The following TBPL2 variants were observed in gnomAD, a reference collection of about 807,000 sequenced individuals.
The protein encoded by TBPL2 is TATA box-binding protein-like 2.
In TBPL2, 40 loss-of-function variants were observed where a neutral mutation model predicts 38.2. That is an observed-to-expected ratio of 1.05 (90% CI 0.81 to 1.36). The LOEUF (loss-of-function observed/expected upper bound fraction) is 1.36, where lower values mean the gene tolerates loss of function less well. TBPL2 is among the 40% of genes most tolerant of loss of function. The probability of loss-of-function intolerance (pLI) is 0.00; values close to 1 mark genes in which losing one functional copy is unlikely to be tolerated. For synonymous variants in TBPL2, 169 were observed against 171.7 expected (o/e 0.98, Z 0.12); for missense variants, 461 against 456.7 (o/e 1.01, Z -0.09).
chr14:55,431,764 C>T (rs1416550943), intron 4 of TBPL2, among the ~76,000 whole-genome samples: 2 of 152,204 alleles, frequency 1.3e-5, no homozygotes, highest in African/African-American at 4.8e-5. Context: ...AATTATCTTA[C>T]ATTGAAACAA....
intron 1 of TBPL2, chr14:55,438,865 C>A (rs1281960056): frequency 4.0e-5 from 6 of 150,956 alleles, no homozygotes; most frequent in African/African-American, 1.5e-4. Flanking sequence ...ACCATTTCTA[C>A]CTCAGTGCTG....
chr14:55,423,162 C>G (rs950291710), intron 6 of TBPL2, among the ~76,000 whole-genome samples: 4 of 152,154 alleles, frequency 2.6e-5, no homozygotes, highest in Non-Finnish European at 5.9e-5. Context: ...TGGTCGATTT[C>G]TGTCTCTGAT....
chr14:55,438,889 T>TA (rs1304990845), intron 1 of TBPL2: 2 of 118,034 alleles, frequency 1.7e-5, no homozygotes, highest in African/African-American at 3.2e-5. Context: ...ATTGTCTTTA[T>TA]AAAAAAATTC....
At chr14:55,418,572 C>T (rs564303892) in intron 6 of TBPL2, among the ~76,000 whole-genome samples, 41 of 152,300 alleles carry the variant, frequency 2.7e-4, no homozygotes, top group African/African-American at 9.4e-4. Context: ...CACATCCTGT[C>T]GTGTCTCTGG....
intron 4 of TBPL2, among the ~76,000 whole-genome samples, chr14:55,430,758 C>G (rs1000249958): frequency 2.0e-5 from 3 of 152,226 alleles, no homozygotes; most frequent in African/African-American, 7.2e-5. Context: ...GCCCTTGGCT[C>G]TCTTCACCCA....
At chr14:55,430,324 C>T (rs150703770) in intron 4 of TBPL2, among the ~76,000 whole-genome samples, 1 of 150,626 alleles carries the variant, frequency 6.6e-6, no homozygotes, top group African/African-American at 2.4e-5. Flanking sequence ...CCTTCACCAA[C>T]ACTGCCCCCT....
intron 5 of TBPL2, among the ~76,000 whole-genome samples, chr14:55,426,074 C>T (rs1254728426): frequency 6.6e-6 from 1 of 152,042 alleles, no homozygotes; most frequent in Non-Finnish European, 1.5e-5. Context: ...CAAGACCAGC[C>T]TGGCCAATAT....
At chr14:55,428,049 C>A (rs1885856827) in intron 5 of TBPL2, among the ~76,000 whole-genome samples, 2 of 148,954 alleles carry the variant, frequency 1.3e-5, no homozygotes, top group African/African-American at 4.9e-5. Context: ...TCATCTTCTC[C>A]CCAATCCATT....
At chr14:55,421,252 C>G (rs1345775085) in intron 6 of TBPL2, among the ~76,000 whole-genome samples, 2 of 151,840 alleles carry the variant, frequency 1.3e-5, no homozygotes, top group Non-Finnish European at 2.9e-5. Context: ...AGTGTGTTTC[C>G]CTAAGTAGGG....
chr14:55,423,176 C>T (rs570401268), intron 6 of TBPL2, among the ~76,000 whole-genome samples: 31 of 152,208 alleles, frequency 2.0e-4, no homozygotes, highest in Non-Finnish European at 2.5e-4. Flanking sequence ...CTCTGATTAC[C>T]GGTGGGGTTA....
At chr14:55,428,328 A>T (rs1594792017) in intron 5 of TBPL2, among the ~76,000 whole-genome samples, 1 of 151,384 alleles carries the variant, frequency 6.6e-6, no homozygotes, top group Non-Finnish European at 1.5e-5. Context: ...ACAGGGTTTC[A>T]CCGTGTTAGC....
intron 1 of TBPL2, among the ~76,000 whole-genome samples, chr14:55,439,747 G>A (rs1025847452): frequency 1.3e-5 from 2 of 151,632 alleles, no homozygotes; most frequent in Admixed American, 1.3e-4. Context: ...TGGCTAACAC[G>A]GTGAAACACT....
At chr14:55,435,009 A>G (rs759076946) in intron 3 of TBPL2, among the ~76,000 whole-genome samples, 2 of 152,218 alleles carry the variant, frequency 1.3e-5, no homozygotes. Context: ...TAAACAAGCC[A>G]TTGAAAACAG....
intron 4 of TBPL2, among the ~76,000 whole-genome samples, chr14:55,430,879 T>TA (rs1231557905): frequency 6.6e-6 from 1 of 152,224 alleles, no homozygotes; most frequent in Non-Finnish European, 1.5e-5. Context: ...ACATTTCCCG[T>TA]AATGTAAATA....
chr14:55,433,683 C>T (rs1477021739), exon 4 of TBPL2: 3 of 1,613,982 alleles, frequency 1.9e-6, no homozygotes, highest in East Asian at 4.5e-5. Context: ...GGGCTGTTGT[C>T]CTGGGCTCTC....
At chr14:55,415,592 T>G (rs1294526603) in intron 6 of TBPL2, among the ~76,000 whole-genome samples, 1 of 152,092 alleles carries the variant, frequency 6.6e-6, no homozygotes, top group Non-Finnish European at 1.5e-5. Context: ...AGGCGGGGCG[T>G]GGTGGCTCAC....
intron 6 of TBPL2, among the ~76,000 whole-genome samples, chr14:55,414,717 A>C (rs943384493): frequency 1.3e-5 from 2 of 152,184 alleles, no homozygotes; most frequent in Admixed American, 6.5e-5. Context: ...GAAATGTGGA[A>C]TGTTATCTCT....
In TBPL2 at chr14:55,417,794, G is replaced by A. The variant is rs115170399; in HGVS notation, c.1052-3339C>T. 6.1e-3 allele frequency among the ~76,000 whole-genome samples: 927 copies of A among 152,206 alleles called. 14 individuals carry two copies. Among genetic ancestry groups the A allele is most frequent in the African/African-American group, 0.021 (891 of 41,518 alleles). On this transcript the variant is annotated intron_variant, in intron 6 of 6. Transcript: ENST00000247219. ...CTTTTCTTCAGGCTGTAATTTCTGG[G>A]GAATAAATACCATTCCTAACCTTGG... is the stretch of plus-strand genomic sequence containing the variant.
At chr14:55,420,324 C>T (rs1446451388) in intron 6 of TBPL2, among the ~76,000 whole-genome samples, 6 of 152,264 alleles carry the variant, frequency 3.9e-5, no homozygotes, top group Admixed American at 2.6e-4. Context: ...GGATTACAGG[C>T]GTGAGCACAA....
Sources: gnomAD v4.1 joint callset for allele counts (sites outside exome capture counted in the v4.1 genomes callset) on GRCh38, gnomAD v4.1.1 for gene constraint, MANE v1.5 for transcripts, NCBI Gene and HGNC (gene_info 2026-07-23, HGNC 2026-07-21) for gene names.